The following SIGLEC1 variants were observed in gnomAD, a reference collection of about 807,000 sequenced individuals.
SIGLEC1 encodes sialoadhesin.
A neutral mutation model predicts 148.0 loss-of-function variants in SIGLEC1; 132 were observed. The ratio of observed to expected loss-of-function variants is 0.89; its 90% CI spans 0.77 to 1.03. The LOEUF (loss-of-function observed/expected upper bound fraction) is 1.03, where lower values mean the gene tolerates loss of function less well. Among genes scored for constraint, SIGLEC1 ranks in the 50% least tolerant of loss-of-function variants. SIGLEC1 has a pLI of 0.00. For synonymous variants in SIGLEC1, 945 were observed against 969.0 expected, an observed-to-expected ratio of 0.98 and a Z score of 0.46; for missense variants, 2,253 against 2,271.4, an observed-to-expected ratio of 0.99 and a Z score of 0.16.
At chr20:3,691,185 A>G (rs1408676330) in intron 18 of SIGLEC1, among the ~76,000 whole-genome samples, 155 bp downstream of exon 18, 1 of 152,152 alleles carries the variant, frequency 6.6e-6, no homozygotes, top group Non-Finnish European at 1.5e-5. Flanking sequence ...CCCATTTTAC[A>G]AGGTCACCCA....
intron 7 of SIGLEC1, among the ~76,000 whole-genome samples, chr20:3,700,809 T>C (rs1835410507): frequency 6.6e-6 from 1 of 150,682 alleles, no homozygotes; most frequent in Non-Finnish European, 1.5e-5. Context: ...CAAGCGATTC[T>C]CCTGCCTTAG....
chr20:3,711,015 GC>G (rs2087925192), intron 1 of SIGLEC1, among the ~76,000 whole-genome samples: 1 of 152,122 alleles, frequency 6.6e-6, no homozygotes. Context: ...ACAGTGCCCC[GC>G]CCCCCGCCCC....
At position 3,693,062 on chromosome 20, in the gene SIGLEC1, C is replaced by A. The variant is rs755740913; in HGVS notation, c.3578G>T (p.Cys1193Phe). ...GGCGGGCGGGCGGCTGTCCACAGTG[C>A]ACAGTACCAGGGCCAGCTGCCCGCC... ...SHGGQLALVL[C>F]TVDSRPPAQL... The change falls in exon 15 of 22, where the codon TGC becomes TTC. Residue 1193 changes from cysteine to phenylalanine, a missense_variant. Cys to Phe is a radical substitution (Grantham distance 205, BLOSUM62 -2). Coordinates refer to ENST00000344754, the MANE Select transcript of SIGLEC1 (RefSeq NM_023068.4). 6 of 1,608,204 alleles carry A rather than the reference C, an allele frequency of 3.7e-6. No homozygotes were observed. In the Admixed American group the frequency reaches 8.4e-5, roughly 22 times the overall value.
At chr20:3,693,723 A>G in intron 13 of SIGLEC1, 25 bp from the exon 14 acceptor site, 1 of 1,549,660 alleles carries the variant, frequency 6.5e-7, no homozygotes. Context: ...GGCACAGGAC[A>G]CCAGTGAGGG....
chr20:3,707,945 T>A (rs994968823), intron 1 of SIGLEC1, among the ~76,000 whole-genome samples: 4 of 152,272 alleles, frequency 2.6e-5, no homozygotes, highest in Non-Finnish European at 4.4e-5. Flanking sequence ...TTGAGGTTCC[T>A]GTAGCTACCC....
chr20:3,711,883 A>G (rs960144697), intron 1 of SIGLEC1, among the ~76,000 whole-genome samples: 2 of 152,138 alleles, frequency 1.3e-5, no homozygotes, highest in South Asian at 2.1e-4. Flanking sequence ...TGCTGGGGTT[A>G]GAGTAAGGAG....
chr20:3,692,419 T>C, intron 16 of SIGLEC1, 102 bp downstream of exon 16: 3 of 1,364,938 alleles, frequency 2.2e-6, no homozygotes, highest in South Asian at 1.5e-5. Context: ...CAACTGCCCA[T>C]TCCTGGGCCC....
chr20:3,696,129 T>TATATATATATACACACACAC (rs11087599), intron 11 of SIGLEC1, among the ~76,000 whole-genome samples: 6 of 142,426 alleles, frequency 4.2e-5, no homozygotes, highest in African/African-American at 1.4e-4. Context: ...ACTATATATA[T>TATATATATATACACACACAC]ACACACACAC....
chr20:3,693,242 C>T (rs535771370), intron 14 of SIGLEC1, 111 bp from the exon 15 acceptor site: 4 of 1,300,706 alleles, frequency 3.1e-6, no homozygotes, highest in Non-Finnish European at 3.1e-6. Context: ...CCTATGGCTC[C>T]CAACCACCCA....
intron 7 of SIGLEC1, among the ~76,000 whole-genome samples, 153 bp downstream of exon 7, chr20:3,701,189 C>T (rs959908570): frequency 8.5e-5 from 13 of 152,180 alleles, no homozygotes; most frequent in Non-Finnish European, 1.5e-4. Context: ...GAAGCTCTGC[C>T]GTTGGGTCAC....
chr20:3,690,182 G>T lies in SIGLEC1; in HGVS notation c.4674C>A (p.Ser1558Arg). The T allele has an allele frequency of 6.4e-7, 1 of 1,572,934 alleles. No homozygotes were observed. The highest frequency in any genetic ancestry group is 8.6e-7 in the Non-Finnish European group (1 of 1,160,206). ...LRGILDCRVD[S>R]EPLASLTLHL... ...GGAGAGTCAGGCTGGCGAGCGGCTC[G>T]CTGTCCACTCGGCAATCCAGGATGC... The change falls in exon 19 of 22, where the codon AGC becomes AGA. Residue 1558 changes from serine (S) to arginine (R), a missense_variant. Coordinates refer to ENST00000344754, the MANE Select transcript of SIGLEC1 (RefSeq NM_023068.4).
At position 3,712,450 on chromosome 20, in the gene SIGLEC1, G is replaced by C. The variant is rs555577642; in HGVS notation, c.-110+20C>G. On this transcript the variant is annotated intron_variant, in intron 1 of 21. Transcript: ENST00000344754. ...ATGCTCCACTCACCCTCTGGGCCCA[G>C]GGACCAGGGACAGGGGTACCTGCTC... Among the ~76,000 whole-genome samples, 2 of 146,620 alleles carry C rather than the reference G, an allele frequency of 1.4e-5. No homozygotes were observed. Among genetic ancestry groups the C allele is most frequent in the Admixed American group, 1.4e-4 (2 of 14,746 alleles).
At chr20:3,694,614 G>T (rs1023623740) in intron 12 of SIGLEC1, 49 bp downstream of exon 12, 1 of 1,580,212 alleles carries the variant, frequency 6.3e-7, no homozygotes, top group Non-Finnish European at 8.6e-7. Context: ...GCCCAGGACT[G>T]GGGGACTGCA....
rs774192847 is a variant in SIGLEC1 at position 3,692,658 on chromosome 20, C to T, written c.3893G>A (p.Gly1298Asp). The T allele has an allele frequency of 1.2e-6, 2 of 1,613,138 alleles. No homozygotes were observed. The highest frequency in any genetic ancestry group is 1.6e-4 in the Middle Eastern group (1 of 6,062). ...APTLYTWYHN[G>D]RWLQEGPAAS... ...AGCTGGACCCTCCTGCAGCCAACGA[C>T]CGTTGTGGTACCAAGTATAGAGTGT... Residue 1298 changes from glycine (G) to aspartate (D), a missense_variant, in exon 16 of 22, where the codon GGT becomes GAT. Gly to Asp is a moderately conservative substitution (Grantham distance 94). Transcript: ENST00000344754.
intron 2 of SIGLEC1, 66 bp downstream of exon 2, chr20:3,707,014 T>C: frequency 6.6e-7 from 1 of 1,524,162 alleles, no homozygotes; most frequent in Middle Eastern, 1.7e-4. Flanking sequence ...CATAGTCTAA[T>C]CTGCCAAGGG....
intron 2 of SIGLEC1, 66 bp from the exon 3 acceptor site, chr20:3,706,772 T>C: frequency 1.4e-6 from 2 of 1,464,496 alleles, no homozygotes; most frequent in African/African-American, 1.4e-5. Context: ...CACAGAGCCC[T>C]GCGACCTGCC....
intron 4 of SIGLEC1, among the ~76,000 whole-genome samples, chr20:3,704,944 A>T (rs746490450): frequency 2.0e-5 from 3 of 152,214 alleles, no homozygotes; most frequent in Non-Finnish European, 4.4e-5. Flanking sequence ...AATATGTGCC[A>T]GGCACTCTTC....
rs2087920369 is a variant in SIGLEC1 at position 3,710,127 on chromosome 20, C to T, written c.-110+2343G>A. 6.6e-6 allele frequency among the ~76,000 whole-genome samples: 1 copy of T among 152,186 alleles called. No individual in the cohort carries two copies. The highest frequency in any genetic ancestry group is 6.5e-5 in the Admixed American group (1 of 15,284). ...CCCTGGTCCTAAATGCTGACTTGGC[C>T]AAGTGAACGAGGAGGCTGGAAGTGG... On this transcript the variant is annotated intron_variant, in intron 1 of 21. Transcript: ENST00000344754. The surrounding 1 kb of genome is among the most constrained non-coding windows in gnomAD (Gnocchi z 4.6).
Position 3,707,137 on chromosome 20 carries a change from C to T in SIGLEC1, c.-9G>A, listed in dbSNP as rs769643878. Reference sequence around the variant, plus strand: ...TTGGGCAAGAAGCCCATAGCAGGTTCTTGTGCTGCTCCTGTTGCCTAAGAG... The same window carrying T: ...TTGGGCAAGAAGCCCATAGCAGGTTTTTGTGCTGCTCCTGTTGCCTAAGAG... On this transcript the variant is annotated 5_prime_UTR_variant, in exon 2 of 22. Transcript: ENST00000344754. The T allele has an allele frequency of 1.2e-6, 2 of 1,613,864 alleles. No individual in the cohort carries two copies. The highest frequency in any genetic ancestry group is 2.2e-5 in the South Asian group (2 of 91,064).
Sources: allele counts gnomAD v4.1 joint callset (sites outside exome capture counted in the v4.1 genomes callset), GRCh38; gene constraint gnomAD v4.1.1; non-coding constraint Gnocchi (gnomAD v3.1); transcripts MANE v1.5; gene names NCBI Gene and HGNC (gene_info 2026-07-23, HGNC 2026-07-21).